The following BDKRB2 variants were observed in gnomAD, a reference collection of about 807,000 sequenced individuals.
The protein encoded by BDKRB2 is B2 bradykinin receptor.
Under a neutral mutation model 4.0 loss-of-function variants are expected in BDKRB2, and 6 were observed. That is an observed-to-expected ratio of 1.49 (90% CI 0.81 to 2.93). The LOEUF (loss-of-function observed/expected upper bound fraction) is 2.93, where lower values mean the gene tolerates loss of function less well. BDKRB2 is among the 30% of genes most tolerant of loss of function. BDKRB2 has a pLI of 0.00. For missense variants in BDKRB2, 478 were observed against 520.1 expected, an observed-to-expected ratio of 0.92 and a Z score of 0.79; for synonymous variants, 225 against 215.3, an observed-to-expected ratio of 1.05 and a Z score of -0.40.
intron 1 of BDKRB2, among the ~76,000 whole-genome samples, chr14:96,218,993 C>A (rs151219619): frequency 1.1e-4 from 17 of 151,882 alleles, no homozygotes; most frequent in African/African-American, 3.6e-4. Context: ...GAGTTAATAT[C>A]TGTGAAGTGC....
At position 96,237,061 on chromosome 14, in the gene BDKRB2, C is replaced by G. The variant is rs370249474; in HGVS notation, c.-39-8C>G. ...GTGCCATCTAACCATCTTTTCTTCT[C>G]TGTTCAGCCCAGGTGTGGCCTCACT... On this transcript the variant is annotated splice_polypyrimidine_tract_variant and splice_region_variant and intron_variant, in intron 1 of 2. Coordinates refer to ENST00000554311, the MANE Select transcript of BDKRB2 (RefSeq NM_001379692.1). 8.0e-6 allele frequency: 12 copies of G among 1,502,006 alleles called. No homozygotes were observed. The highest frequency in any genetic ancestry group is 1.0e-5 in the Non-Finnish European group (11 of 1,078,016). 93.0% of individuals were successfully genotyped at this position (1,502,006 alleles called of 1,614,324 possible). A position where few individuals can be genotyped will look rare whatever the true frequency, so the allele number is the denominator to read the frequency against.
At chr14:96,239,764 C>G (rs1370421935) in intron 2 of BDKRB2, 2 of 980,910 alleles carry the variant, frequency 2.0e-6, no homozygotes, top group East Asian at 1.1e-4. Context: ...AGTAAGGCAG[C>G]CAGGATGTGA....
At chr14:96,231,644 G>C (rs570460499) in intron 1 of BDKRB2, among the ~76,000 whole-genome samples, 86 of 152,310 alleles carry the variant, frequency 5.6e-4, no homozygotes, top group African/African-American at 2.0e-3. Flanking sequence ...GGAGATCTTG[G>C]TTCTTTCTAG....
At chr14:96,230,582 A>T (rs1890795249) in intron 1 of BDKRB2, among the ~76,000 whole-genome samples, 1 of 139,590 alleles carries the variant, frequency 7.2e-6, no homozygotes, top group South Asian at 2.3e-4. Flanking sequence ...TTTAGTAGAG[A>T]CGGGGCTTAA....
chr14:96,224,384 C>T (rs774378002), intron 1 of BDKRB2, among the ~76,000 whole-genome samples: 4 of 152,176 alleles, frequency 2.6e-5, no homozygotes, highest in Non-Finnish European at 5.9e-5. Context: ...CCTCTGTTTG[C>T]TCGTCTGCAA....
At chr14:96,240,261 G>A in intron 2 of BDKRB2, 142 bp from the exon 3 acceptor site, 1 of 1,333,936 alleles carries the variant, frequency 7.5e-7, no homozygotes, top group Non-Finnish European at 9.6e-7. Context: ...CTGGAGCGCG[G>A]GCTGCAGAAA....
At chr14:96,235,795 A>C (rs1012401348) in intron 1 of BDKRB2, among the ~76,000 whole-genome samples, 10 of 150,048 alleles carry the variant, frequency 6.7e-5, no homozygotes, top group Non-Finnish European at 8.9e-5. Flanking sequence ...GCACACACAC[A>C]CACCCACATA....
intron 1 of BDKRB2, among the ~76,000 whole-genome samples, chr14:96,225,555 A>G (rs576874932): frequency 6.6e-6 from 1 of 152,250 alleles, no homozygotes; most frequent in African/African-American, 2.4e-5. Flanking sequence ...GGGGCAGGAA[A>G]GCGACTCCCA....
intron 1 of BDKRB2, among the ~76,000 whole-genome samples, chr14:96,227,578 AACACATGCATGCAC>A (rs1160822349): frequency 6.6e-6 from 1 of 151,894 alleles, no homozygotes; most frequent in Middle Eastern, 3.4e-3. Flanking sequence ...TGTGTGCACA[AACACATGCATGCAC>A]ACACAAACAC....
intron 1 of BDKRB2, among the ~76,000 whole-genome samples, chr14:96,215,009 G>T (rs1425161899): frequency 6.6e-6 from 1 of 152,112 alleles, no homozygotes; most frequent in Non-Finnish European, 1.5e-5. Context: ...TCTTTTTTAC[G>T]TAAATAAACC....
At chr14:96,236,196 G>A (rs991998744) in intron 1 of BDKRB2, among the ~76,000 whole-genome samples, 2 of 152,130 alleles carry the variant, frequency 1.3e-5, no homozygotes, top group Non-Finnish European at 1.5e-5. Context: ...ACCAGCCGGA[G>A]GGACTGGAAA....
intron 1 of BDKRB2, among the ~76,000 whole-genome samples, chr14:96,227,572 T>C (rs1890724730): frequency 6.6e-6 from 1 of 151,884 alleles, no homozygotes; most frequent in African/African-American, 2.4e-5. Flanking sequence ...CACACATGTG[T>C]GCACAAACAC....
chr14:96,216,794 A>AG (rs1890437726), intron 1 of BDKRB2, among the ~76,000 whole-genome samples: 1 of 135,908 alleles, frequency 7.4e-6, no homozygotes, highest in African/African-American at 2.8e-5. Context: ...AGGAGGAGGA[A>AG]GTAGGAGAAG....
At chr14:96,220,867 G>C (rs1192380400) in intron 1 of BDKRB2, among the ~76,000 whole-genome samples, 3 of 152,044 alleles carry the variant, frequency 2.0e-5, no homozygotes, top group African/African-American at 4.8e-5. Context: ...CGTGGACACA[G>C]CCATGGCCTC....
At chr14:96,206,757 T>G (rs11160321) in intron 1 of BDKRB2, among the ~76,000 whole-genome samples, 4 of 151,896 alleles carry the variant, frequency 2.6e-5, no homozygotes, top group Admixed American at 6.5e-5. Flanking sequence ...CTGGGCGCGG[T>G]GGGGGGAGCC....
intron 1 of BDKRB2, chr14:96,233,289 C>G (rs988629446): frequency 6.6e-6 from 1 of 152,570 alleles, no homozygotes; most frequent in African/African-American, 2.4e-5. Context: ...CTGCCTCAGC[C>G]TCCCAAAGTG....
At chr14:96,236,848 G>A (rs1890946812) in intron 1 of BDKRB2, among the ~76,000 whole-genome samples, 1 of 152,126 alleles carries the variant, frequency 6.6e-6, no homozygotes, top group South Asian at 2.1e-4. Context: ...CTGTACTCAG[G>A]TCAGTTTGCA....
rs1402765263 is a variant in BDKRB2 at position 96,244,096 on chromosome 14, TCC to T, written c.*2593_*2594del. Reference sequence around the variant, plus strand: ...TGTTGTAAACAGGAAGCATTTCACATCCAAACGAGAAAATCATGTAAACATGT... The same window carrying T: ...TGTTGTAAACAGGAAGCATTTCACATAAACGAGAAAATCATGTAAACATGT... On this transcript the variant is annotated 3_prime_UTR_variant, in exon 3 of 3. Coordinates refer to ENST00000554311, the MANE Select transcript of BDKRB2 (RefSeq NM_001379692.1). 1 of 398,256 alleles carries T rather than the reference TCC, an allele frequency of 2.5e-6. No individual in the cohort carries two copies. The highest frequency in any genetic ancestry group is 2.1e-5 in the African/African-American group (1 of 48,634). 24.7% of individuals were successfully genotyped at this position (398,256 alleles called of 1,614,324 possible). A position where few individuals can be genotyped will look rare whatever the true frequency, so the allele number is the denominator to read the frequency against.
In BDKRB2 at chr14:96,222,157, T is replaced by C. The variant is rs116267875; in HGVS notation, c.-39-14912T>C. Among the ~76,000 whole-genome samples the C allele has an allele frequency of 9.3e-3, 1,420 of 152,080 alleles. 36 individuals are homozygous for C. Among genetic ancestry groups the C allele is most frequent in the African/African-American group, 0.033 (1,348 of 41,430 alleles). ...GAAACATTTACTTACATTACTGACT[T>C]ATAATAAAAGACACCACTCAGCCAC... On this transcript the variant is annotated intron_variant, in intron 1 of 2. Coordinates refer to ENST00000554311, the MANE Select transcript of BDKRB2 (RefSeq NM_001379692.1).
Sources: allele counts gnomAD v4.1 joint callset (sites outside exome capture counted in the v4.1 genomes callset), GRCh38; gene constraint gnomAD v4.1.1; transcripts MANE v1.5; gene names NCBI Gene and HGNC (gene_info 2026-07-23, HGNC 2026-07-21).